Variants in SMIM31 observed in about 807,000 individuals in gnomAD.
SMIM31 encodes the protein human epithelial cell program regulator.
rs1413188647 is a variant in SMIM31 at position 164,801,295 on chromosome 4, T to C, written c.*101T>C. On this transcript the variant is annotated 3_prime_UTR_variant, in exon 3 of 3. Transcript: ENST00000507311. ...AAGAGGAGGGGATAATGAAGAAAGT[T>C]AAAATCACTTACTGATTAAACACGA... The C allele has an allele frequency of 2.5e-6, 1 of 396,650 alleles. No homozygotes were observed. Among genetic ancestry groups the C allele is most frequent in the Non-Finnish European group, 4.4e-6 (1 of 225,008 alleles). 24.6% of individuals were successfully genotyped at this position (396,650 alleles called of 1,614,324 possible). A position where few individuals can be genotyped will look rare whatever the true frequency, so the allele number is the denominator to read the frequency against.
At position 164,788,478 on chromosome 4, in the gene SMIM31, C is replaced by CTTTTTTTTTTTTTTTTTTTTTTTTTTTTT. The variant is rs72177805; in HGVS notation, c.113-12585_113-12584insTTTTTTTTTTTTTTTTTTTTTTTTTTTTT. Among the ~76,000 whole-genome samples, 107 of 58,162 alleles carry CTTTTTTTTTTTTTTTTTTTTTTTTTTTTT rather than the reference C, an allele frequency of 1.8e-3. 30 individuals carry two copies. Among genetic ancestry groups the CTTTTTTTTTTTTTTTTTTTTTTTTTTTTT allele is most frequent in the Non-Finnish European group, 2.8e-3 (86 of 31,094 alleles). The allele number at this position is 58,162 out of a possible 152,430, so 38.2% of individuals were successfully genotyped here. A position where few individuals can be genotyped will look rare whatever the true frequency, so the allele number is the denominator to read the frequency against. On this transcript the variant is annotated intron_variant, in intron 2 of 2. Coordinates refer to ENST00000507311, the MANE Select transcript of SMIM31 (RefSeq NM_001352885.1). Reference sequence around the variant, plus strand: ...ATAAAATTTCTTTCTTCTAATTTTTCTTTTTTTTTTTTTTTTTTTTTTTTT... The same window carrying CTTTTTTTTTTTTTTTTTTTTTTTTTTTTT: ...ATAAAATTTCTTTCTTCTAATTTTTCTTTTTTTTTTTTTTTTTTTTTTTTTTTTTTTTTTTTTTTTTTTTTTTTTTTTTT...
chr4:164,801,047 A>C, intron 2 of SMIM31, 44 bp from the exon 3 acceptor site: 1 of 398,442 alleles, frequency 2.5e-6, no homozygotes, highest in Non-Finnish European at 4.4e-6. Context: ...CTTTTTCCAA[A>C]TGGTGTATTT....
At chr4:164,768,660 AGAGAGT>A (rs1434580027) in intron 1 of SMIM31, among the ~76,000 whole-genome samples, 2 of 152,208 alleles carry the variant, frequency 1.3e-5, no homozygotes, top group African/African-American at 4.8e-5. Context: ...AAACATCTTT[AGAGAGT>A]GTGGGTAATT....
rs142669064 is a variant in SMIM31 at position 164,781,944 on chromosome 4, G to A, written c.112+11389G>A. 2.9e-3 allele frequency among the ~76,000 whole-genome samples: 448 copies of A among 152,256 alleles called. 2 individuals carry two copies. Among genetic ancestry groups the A allele is most frequent in the South Asian group, 5.0e-3 (24 of 4,826 alleles). On this transcript the variant is annotated intron_variant, in intron 2 of 2. Transcript: ENST00000507311. Reference sequence around the variant, plus strand: ...ATCTTGTTCCACATCTTGATGATGCGTGATACATTTGTCTGTGCATTTATC... The same window carrying A: ...ATCTTGTTCCACATCTTGATGATGCATGATACATTTGTCTGTGCATTTATC...
intron 2 of SMIM31, among the ~76,000 whole-genome samples, chr4:164,798,025 G>A (rs35555649): frequency 0.19 from 28,453 of 151,926 alleles, 2,836 homozygotes; most frequent in South Asian, 0.27. Context: ...CTAGGATAAT[G>A]GCCTCCAGTT....
At chr4:164,757,973 T>G (rs1469729859) in intron 1 of SMIM31, among the ~76,000 whole-genome samples, 2 of 152,176 alleles carry the variant, frequency 1.3e-5, no homozygotes, top group African/African-American at 2.4e-5. Context: ...TATAATTGCC[T>G]TGGATTTATA....
intron 2 of SMIM31, among the ~76,000 whole-genome samples, chr4:164,780,390 G>A (rs1425081725): frequency 1.3e-5 from 2 of 152,232 alleles, no homozygotes; most frequent in South Asian, 2.1e-4. Flanking sequence ...TTGCGCCACT[G>A]CACTCCAGCC....
At chr4:164,773,932 C>T (rs1041849375) in intron 2 of SMIM31, among the ~76,000 whole-genome samples, 3 of 152,098 alleles carry the variant, frequency 2.0e-5, no homozygotes, top group South Asian at 2.1e-4. Context: ...TTTGGGAGGC[C>T]GAGGCGGGCG....
chr4:164,775,754 G>A (rs1483407408), intron 2 of SMIM31, among the ~76,000 whole-genome samples: 3 of 152,182 alleles, frequency 2.0e-5, no homozygotes, highest in African/African-American at 7.2e-5. Flanking sequence ...ATGGAGAAAA[G>A]AGACAATGGC....
Position 164,772,585 on chromosome 4 carries a change from A to ATTTTAT in SMIM31, c.112+2034_112+2035insATTTTT, listed in dbSNP as rs70952642. 1.8e-4 allele frequency among the ~76,000 whole-genome samples: 25 copies of ATTTTAT among 142,758 alleles called. 2 individuals carry two copies. Among genetic ancestry groups the ATTTTAT allele is most frequent in the Admixed American group, 5.5e-4 (8 of 14,512 alleles). 93.7% of individuals were successfully genotyped at this position (142,758 alleles called of 152,430 possible). On this transcript the variant is annotated intron_variant, in intron 2 of 2. Transcript: ENST00000507311. ...GTTTTATTTTTTTTATTTTTATTTT[A>ATTTTAT]TTTTTTTTTTTGAGACGGAGTCTCG... is the stretch of plus-strand genomic sequence containing the variant.
intron 2 of SMIM31, among the ~76,000 whole-genome samples, chr4:164,792,064 G>A (rs933993386): frequency 7.9e-5 from 12 of 152,290 alleles, no homozygotes; most frequent in Middle Eastern, 3.4e-3. Flanking sequence ...TAATCAGTGC[G>A]TCTCAAAACT....
intron 2 of SMIM31, among the ~76,000 whole-genome samples, chr4:164,782,765 T>C (rs1732972341): frequency 1.3e-5 from 2 of 152,130 alleles, no homozygotes; most frequent in Admixed American, 1.3e-4. Flanking sequence ...TGATAAAATA[T>C]GTAAACAGTA....
intron 2 of SMIM31, among the ~76,000 whole-genome samples, chr4:164,786,780 T>C (rs1289211871): frequency 6.6e-6 from 1 of 152,242 alleles, no homozygotes; most frequent in Non-Finnish European, 1.5e-5. Context: ...TTTGAACATT[T>C]GGACACTTTA....
intron 2 of SMIM31, among the ~76,000 whole-genome samples, chr4:164,772,769 G>A (rs1477726808): frequency 6.6e-6 from 1 of 151,036 alleles, no homozygotes; most frequent in Non-Finnish European, 1.5e-5. Context: ...TAGTAGAGAC[G>A]GGGTTTCACC....
In SMIM31 at chr4:164,801,246, G is replaced by A. The variant is rs556998599; in HGVS notation, c.*52G>A. 70 of 398,424 alleles carry A rather than the reference G, an allele frequency of 1.8e-4. No individual in the cohort carries two copies. The highest frequency in any genetic ancestry group is 2.8e-4 in the Non-Finnish European group (64 of 225,858). 24.7% of individuals were successfully genotyped at this position (398,424 alleles called of 1,614,324 possible). A position where few individuals can be genotyped will look rare whatever the true frequency, so the allele number is the denominator to read the frequency against. On this transcript the variant is annotated 3_prime_UTR_variant, in exon 3 of 3. Coordinates refer to ENST00000507311, the MANE Select transcript of SMIM31 (RefSeq NM_001352885.1). ...AAGAAGACAGAGGAAGCAATCCATG[G>A]GAACTACTTATCCACAGTTACACAA...
intron 2 of SMIM31, among the ~76,000 whole-genome samples, chr4:164,791,642 T>A (rs1733102343): frequency 6.6e-6 from 1 of 152,216 alleles, no homozygotes; most frequent in African/African-American, 2.4e-5. Context: ...TCTACAGTAA[T>A]CATCTATAGC....
chr4:164,759,310 A>G (rs925179982), intron 1 of SMIM31, among the ~76,000 whole-genome samples: 1 of 152,062 alleles, frequency 6.6e-6, no homozygotes, highest in Non-Finnish European at 1.5e-5. Flanking sequence ...GATAGAATGC[A>G]CTCATCTTGT....
intron 1 of SMIM31, among the ~76,000 whole-genome samples, chr4:164,767,788 C>A (rs762439941): frequency 1.9e-4 from 29 of 152,184 alleles, no homozygotes; most frequent in Non-Finnish European, 2.6e-4. Flanking sequence ...AGAAGGTAGT[C>A]GGGTTCCAAG....
intron 2 of SMIM31, among the ~76,000 whole-genome samples, chr4:164,772,816 G>A (rs1732828809): frequency 1.3e-5 from 2 of 151,402 alleles, no homozygotes; most frequent in South Asian, 4.2e-4. Flanking sequence ...CTGACCTCGT[G>A]ATCCGCCCGC....
Sources: gnomAD v4.1 joint callset for allele counts (sites outside exome capture counted in the v4.1 genomes callset) on GRCh38, gnomAD v4.1.1 for gene constraint, MANE v1.5 for transcripts, NCBI Gene and HGNC (gene_info 2026-07-23, HGNC 2026-07-21) for gene names.